CTNNA2: variants seen among roughly 807,000 people sequenced by gnomAD.
The protein encoded by CTNNA2 is catenin alpha-2.
CTNNA2 carries 42 observed loss-of-function variants against 101.0 expected under a neutral mutation model. The observed-to-expected ratio is 0.42, with a 90% CI of 0.32 to 0.54. CTNNA2 has a LOEUF of 0.54. Among genes scored for constraint, CTNNA2 ranks in the 20% least tolerant of loss-of-function variants. The pLI is 0.14. For synonymous variants in CTNNA2, 450 were observed against 456.4 expected (o/e 0.99, Z 0.18); for missense variants, 871 against 1,223.1 (o/e 0.71, Z 4.29).
At chr2:79,475,297 G>A (rs1365756103) in intron 4 of CTNNA2, among the ~76,000 whole-genome samples, 1 of 151,958 alleles carries the variant, frequency 6.6e-6, no homozygotes, top group Non-Finnish European at 1.5e-5. Flanking sequence ...GAAAAACAGA[G>A]CCGGAAACTT....
intron 7 of CTNNA2, among the ~76,000 whole-genome samples, chr2:80,022,168 G>T (rs1247430129): frequency 6.6e-6 from 1 of 152,146 alleles, no homozygotes; most frequent in Admixed American, 6.6e-5. Flanking sequence ...AATCTTGTGG[G>T]TTTATATGAC....
chr2:79,797,316 A>G (rs1007750044), intron 3 of CTNNA2, among the ~76,000 whole-genome samples: 1 of 152,104 alleles, frequency 6.6e-6, no homozygotes, highest in Non-Finnish European at 1.5e-5. Flanking sequence ...TAAAATAAGC[A>G]TGATTGGTCT....
intron 2 of CTNNA2, among the ~76,000 whole-genome samples, chr2:79,217,152 G>A (rs1018690547): frequency 6.6e-6 from 1 of 152,210 alleles, no homozygotes; most frequent in Non-Finnish European, 1.5e-5. Context: ...GTAAGAAAAG[G>A]ACGCTTACCT....
intron 7 of CTNNA2, among the ~76,000 whole-genome samples, chr2:80,335,352 A>T (rs1671680120): frequency 6.6e-6 from 1 of 152,114 alleles, no homozygotes; most frequent in African/African-American, 2.4e-5. Flanking sequence ...TGAACTGGGG[A>T]TGGAGAATAT....
At chr2:79,932,078 T>C (rs1437793071) in intron 7 of CTNNA2, among the ~76,000 whole-genome samples, 1 of 152,192 alleles carries the variant, frequency 6.6e-6, no homozygotes, top group Non-Finnish European at 1.5e-5. Context: ...CCGAGGTACA[T>C]TCTGATCCAA....
At position 80,302,642 on chromosome 2, in the gene CTNNA2, G is replaced by A. The variant is rs917603256; in HGVS notation, c.1057-90569G>A. Reference sequence around the variant, plus strand: ...CTGCCCCTCCCCGCCGTCCGCGAGCGTGGTGGCCGAGCTGGCAGGGGGCCC... The same window carrying A: ...CTGCCCCTCCCCGCCGTCCGCGAGCATGGTGGCCGAGCTGGCAGGGGGCCC... On this transcript the variant is annotated intron_variant, in intron 7 of 18. Transcript: ENST00000402739. The surrounding 1 kb of genome is among the most constrained non-coding windows in gnomAD (Gnocchi z 6.4). The A allele has an allele frequency of 4.4e-6, 7 of 1,607,948 alleles. No individual in the cohort carries two copies. The highest frequency in any genetic ancestry group is 5.1e-6 in the Non-Finnish European group (6 of 1,178,418).
At chr2:79,330,678 A>G (rs1030494450) in intron 3 of CTNNA2, among the ~76,000 whole-genome samples, 1 of 152,186 alleles carries the variant, frequency 6.6e-6, no homozygotes, top group African/African-American at 2.4e-5. Context: ...TGCTGTTCGC[A>G]TGATAGTGAA....
intron 4 of CTNNA2, among the ~76,000 whole-genome samples, chr2:79,482,978 C>G (rs1050297931): frequency 2.0e-5 from 3 of 152,164 alleles, no homozygotes; most frequent in African/African-American, 4.8e-5. Flanking sequence ...ATCCAGCAGA[C>G]TGTCAACAGC....
At chr2:79,578,189 T>C (rs1675914764) in intron 1 of CTNNA2, among the ~76,000 whole-genome samples, 1 of 152,202 alleles carries the variant, frequency 6.6e-6, no homozygotes, top group African/African-American at 2.4e-5. Flanking sequence ...TTTTGCTCTG[T>C]AAATGTCCTG....
intron 7 of CTNNA2, among the ~76,000 whole-genome samples, chr2:79,942,943 A>G (rs1267027515): frequency 6.6e-6 from 1 of 152,182 alleles, no homozygotes; most frequent in Non-Finnish European, 1.5e-5. Context: ...TCAGCTGAGC[A>G]TGGTGGCTTA....
chr2:80,509,546 G>T (rs1688537351), intron 9 of CTNNA2, among the ~76,000 whole-genome samples: 1 of 152,158 alleles, frequency 6.6e-6, no homozygotes, highest in African/African-American at 2.4e-5. Flanking sequence ...GATGTCTTCT[G>T]TCTAAGAGTG....
chr2:80,132,961 A>T (rs1702494697), intron 7 of CTNNA2, among the ~76,000 whole-genome samples: 3 of 152,158 alleles, frequency 2.0e-5, no homozygotes, highest in Admixed American at 2.0e-4. Context: ...CCCCTAAAAG[A>T]TATGTTGAAG....
intron 8 of CTNNA2, among the ~76,000 whole-genome samples, chr2:80,411,291 T>C (rs531474330): frequency 3.3e-5 from 5 of 152,328 alleles, no homozygotes; most frequent in Admixed American, 6.5e-5. Context: ...CCTTTTTTTT[T>C]CCGATCCCTA....
At chr2:80,383,905 A>G (rs888923720) in intron 7 of CTNNA2, among the ~76,000 whole-genome samples, 3 of 152,212 alleles carry the variant, frequency 2.0e-5, no homozygotes, top group Non-Finnish European at 1.5e-5. Flanking sequence ...TAGCAAAGAC[A>G]TGGTCTCAAC....
At position 80,546,334 on chromosome 2, in the gene CTNNA2, G is replaced by A. The variant is rs183157884; in HGVS notation, c.1540+271G>A. On this transcript the variant is annotated intron_variant, in intron 11 of 18. Coordinates refer to ENST00000402739, the MANE Select transcript of CTNNA2 (RefSeq NM_001282597.3). The stretch of plus-strand genomic sequence containing the variant: ...TTTAGTGTTTGGAGTTTATAAAGCA[G>A]GATGGCCTTTGATGTATCTGAATCA... Among the ~76,000 whole-genome samples, 360 of 152,312 alleles carry A rather than the reference G, an allele frequency of 2.4e-3. 1 individual carries two copies. Among genetic ancestry groups the A allele is most frequent in the African/African-American group, 8.2e-3 (341 of 41,568 alleles).
chr2:79,993,230 G>A (rs745667617), intron 7 of CTNNA2, among the ~76,000 whole-genome samples: 1 of 152,156 alleles, frequency 6.6e-6, no homozygotes, highest in Non-Finnish European at 1.5e-5. Context: ...GACAAGAAGC[G>A]TACATGAGCA....
chr2:79,830,074 TGA>T (rs1244385641), intron 3 of CTNNA2, among the ~76,000 whole-genome samples: 5 of 152,132 alleles, frequency 3.3e-5, no homozygotes, highest in Non-Finnish European at 5.9e-5. Flanking sequence ...ACCTGGAGAC[TGA>T]GAGAGACGAG....
rs144547796 is a variant in CTNNA2 at position 80,494,661 on chromosome 2, C to G, written c.1291-50321C>G. On this transcript the variant is annotated intron_variant, in intron 9 of 18. Coordinates refer to ENST00000402739, the MANE Select transcript of CTNNA2 (RefSeq NM_001282597.3). Reference sequence around the variant, plus strand: ...ATTCTGCATGATTTAGTTAGAACTGCTTACAGAAAAGCTAGACGAAGGGAC... The same window carrying G: ...ATTCTGCATGATTTAGTTAGAACTGGTTACAGAAAAGCTAGACGAAGGGAC... 6.3e-3 allele frequency among the ~76,000 whole-genome samples: 848 copies of G among 133,642 alleles called. 16 individuals are homozygous for G. The highest frequency in any genetic ancestry group is 0.023 in the African/African-American group (794 of 35,114). The allele number at this position is 133,642 out of a possible 152,430, so 87.7% of individuals were successfully genotyped here.
chr2:80,526,029 C>T (rs979127783), intron 9 of CTNNA2, among the ~76,000 whole-genome samples: 4 of 152,130 alleles, frequency 2.6e-5, no homozygotes, highest in East Asian at 1.9e-4. Context: ...GGTTATTCAT[C>T]TGAAAAATAA....
Sources: gnomAD v4.1 joint callset for allele counts (sites outside exome capture counted in the v4.1 genomes callset) on GRCh38, gnomAD v4.1.1 for gene constraint, Gnocchi (gnomAD v3.1) non-coding constraint, MANE v1.5 for transcripts, NCBI Gene and HGNC (gene_info 2026-07-23, HGNC 2026-07-21) for gene names.